The following SYNE1 variants were observed in gnomAD, a reference collection of about 807,000 sequenced individuals.
The protein encoded by SYNE1 is spectrin repeat containing nuclear envelope protein 1.
SYNE1 carries 616 observed loss-of-function variants against 1,111.0 expected under a neutral mutation model. The observed-to-expected ratio is 0.55, with a 90% CI of 0.52 to 0.59. The LOEUF is 0.59. SYNE1 is among the 20% of genes least tolerant of loss of function. The pLI is 0.00. For missense variants in SYNE1, 10,006 were observed against 10,417.0 expected (o/e 0.96, Z 1.72); for synonymous variants, 3,855 against 3,825.8 (o/e 1.01, Z -0.28).
At chr6:152,528,440 C>T (rs79213949) in intron 4 of SYNE1, among the ~76,000 whole-genome samples, 5,171 of 152,204 alleles carry the variant, frequency 0.034, 100 homozygotes, top group African/African-American at 0.05. Context: ...TTTATATATA[C>T]CAAACAATCA....
chr6:152,295,338 T>A (rs930330928), intron 93 of SYNE1, among the ~76,000 whole-genome samples: 1 of 152,152 alleles, frequency 6.6e-6, no homozygotes, highest in African/African-American at 2.4e-5. Flanking sequence ...TGCTTCCTCT[T>A]TATTCCTAAC....
chr6:152,311,490 A>G (rs1323747807), intron 87 of SYNE1, among the ~76,000 whole-genome samples: 2 of 152,200 alleles, frequency 1.3e-5, no homozygotes, highest in African/African-American at 2.4e-5. Flanking sequence ...TAACCATTCA[A>G]TGTACAGTCT....
intron 143 of SYNE1, among the ~76,000 whole-genome samples, 174 bp from the exon 144 acceptor site, chr6:152,132,388 C>A (rs1376664881): frequency 6.6e-6 from 1 of 152,188 alleles, no homozygotes; most frequent in Non-Finnish European, 1.5e-5. Context: ...GGGCCAAATT[C>A]TTCTAGTGTG....
rs1167536091 is a variant in SYNE1 at position 152,615,118 on chromosome 6, TA to T, written c.67+13146del. Among the ~76,000 whole-genome samples, 8 of 152,220 alleles carry T rather than the reference TA, an allele frequency of 5.3e-5. No individual in the cohort carries two copies. In the East Asian group the frequency reaches 7.7e-4, roughly 15 times the overall value. On this transcript the variant is annotated intron_variant, in intron 3 of 145. Transcript: ENST00000367255. ...ACATGTACCCTTTATTAAAGTATAA[TA>T]AAAAAAGAAAGATTTTTTTCCATCA...
Position 152,484,832 on chromosome 6 carries a change from T to C in SYNE1, c.1185+3A>G, listed in dbSNP as rs766083074. On this transcript the variant is annotated splice_donor_region_variant and intron_variant, in intron 13 of 145. Transcript: ENST00000367255. ...CAGTATAACTAATTGTGGGAGAACT[T>C]ACCCTGGAGGTCACTCTATCCCAAG... is the stretch of plus-strand genomic sequence containing the variant. 2.8e-5 allele frequency: 45 copies of C among 1,613,754 alleles called. No individual in the cohort carries two copies. Among genetic ancestry groups the C allele is most frequent in the Non-Finnish European group, 3.6e-5 (43 of 1,179,910 alleles).
Position 152,310,799 on chromosome 6 carries a change from G to C in SYNE1, c.16785C>G (p.Ser5595Arg). The change falls in exon 88 of 146, where the codon AGC becomes AGG. Residue 5595 changes from serine to arginine, a missense_variant. Around this residue, in one of 7 missense-constraint regions of SYNE1, gnomAD observed 4,955 missense variants for 5,017.2 expected, o/e 0.99. Transcript: ENST00000367255. ...GAGACATTTTTTCTGTACAGTACAC[G>C]CTAGTGAGGTACTGTAATTTCTCAG... ...AMTEKLQYLTSVYCTEKMSQQ... is the reference protein window; with the variant it reads ...AMTEKLQYLTRVYCTEKMSQQ... The C allele has an allele frequency of 6.2e-7, 1 of 1,613,958 alleles. No individual in the cohort carries two copies.
At chr6:152,375,377 C>G (rs780583253) in intron 58 of SYNE1, among the ~76,000 whole-genome samples, 23 of 152,214 alleles carry the variant, frequency 1.5e-4, no homozygotes, top group Non-Finnish European at 2.6e-4. Flanking sequence ...AGAGACACTT[C>G]AAGCACGAGT....
intron 3 of SYNE1, among the ~76,000 whole-genome samples, chr6:152,581,303 T>A (rs952995810): frequency 6.6e-6 from 1 of 152,164 alleles, no homozygotes; most frequent in Non-Finnish European, 1.5e-5. Flanking sequence ...GGCTTCTCCA[T>A]CAGCCACAAC....
In SYNE1 at chr6:152,430,207, G is replaced by A. The variant is rs1251105383; in HGVS notation, c.4693C>T (p.Gln1565Ter). ...QKFEENLRKI[Q>*]QSVSEFEDKL... is the part of the protein sequence containing the mutation. Reference sequence around the variant, plus strand: ...TCTTCAAATTCAGACACAGATTGCTGGATCTAAAACATTGGTGCAATATAA... The same window carrying A: ...TCTTCAAATTCAGACACAGATTGCTAGATCTAAAACATTGGTGCAATATAA... The change falls in exon 36 of 146, where the codon CAG becomes TAG. Residue 1565 changes from glutamine (Q) to a stop codon, truncating the protein, a stop_gained. Coordinates refer to ENST00000367255, the MANE Select transcript of SYNE1 (RefSeq NM_182961.4). LOFTEE classifies it high-confidence loss of function. The A allele has an allele frequency of 6.9e-6, 11 of 1,597,964 alleles. No homozygotes were observed. The highest frequency in any genetic ancestry group is 7.7e-6 in the Non-Finnish European group (9 of 1,168,956).
chr6:152,550,817 A>C (rs1382221164), intron 3 of SYNE1, among the ~76,000 whole-genome samples: 1 of 152,160 alleles, frequency 6.6e-6, no homozygotes, highest in Admixed American at 6.5e-5. Flanking sequence ...TGTGCACCGT[A>C]TCACGTTTCT....
rs1414483223 is a variant in SYNE1 at position 152,593,392 on chromosome 6, G to C, written c.67+34873C>G. ...GAGGTCAGTAGATTGAGACCATCCT[G>C]GCTAACATGGTGAAACCCCATCTCA... On this transcript the variant is annotated intron_variant, in intron 3 of 145. Transcript: ENST00000367255. Among the ~76,000 whole-genome samples the C allele has an allele frequency of 3.3e-5, 5 of 152,124 alleles. No homozygotes were observed. In the East Asian group the frequency reaches 9.7e-4, roughly 29 times the overall value.
At chr6:152,236,731 T>C (rs2084171788) in intron 109 of SYNE1, 86 bp downstream of exon 109, 16 of 1,507,982 alleles carry the variant, frequency 1.1e-5, no homozygotes, top group Non-Finnish European at 1.5e-5. Flanking sequence ...AAAGTACTAA[T>C]AAAATAATTG....
chr6:152,160,046 C>T (rs567222765), intron 131 of SYNE1, among the ~76,000 whole-genome samples: 7 of 152,064 alleles, frequency 4.6e-5, no homozygotes, highest in African/African-American at 1.7e-4. Context: ...CTCAGTCTGT[C>T]GCCAAGCTAG....
chr6:152,204,287 C>A (rs1005887372), intron 126 of SYNE1, among the ~76,000 whole-genome samples: 6 of 151,384 alleles, frequency 4.0e-5, no homozygotes, highest in African/African-American at 1.2e-4. Flanking sequence ...ATCACTTGAA[C>A]CCAGAAGAGT....
intron 3 of SYNE1, among the ~76,000 whole-genome samples, chr6:152,594,169 T>C (rs998448821): frequency 6.6e-6 from 1 of 152,220 alleles, no homozygotes; most frequent in African/African-American, 2.4e-5. Flanking sequence ...GTCTTGCCAT[T>C]CTGTGTGGGA....
At chr6:152,499,679 CAAAA>C in intron 10 of SYNE1, among the ~76,000 whole-genome samples, 1 of 151,988 alleles carries the variant, frequency 6.6e-6, no homozygotes, top group South Asian at 2.1e-4. Context: ...TATGTCATAA[CAAAA>C]AAATACATTA....
chr6:152,271,987 TGA>T (rs1239444616), intron 98 of SYNE1, among the ~76,000 whole-genome samples: 3 of 152,228 alleles, frequency 2.0e-5, no homozygotes, highest in African/African-American at 7.2e-5. Context: ...ATGGTCTGAT[TGA>T]GAGAGGTTGG....
At chr6:152,198,553 C>T (rs1205242388) in intron 127 of SYNE1, among the ~76,000 whole-genome samples, 1 of 152,178 alleles carries the variant, frequency 6.6e-6, no homozygotes, top group East Asian at 1.9e-4. Context: ...GACATGTCTT[C>T]CTCACTAAGC....
chr6:152,312,451 C>T (rs1389712635), intron 87 of SYNE1, among the ~76,000 whole-genome samples: 3 of 150,892 alleles, frequency 2.0e-5, no homozygotes, highest in African/African-American at 7.3e-5. Context: ...TTGTGATCCG[C>T]CAGCCTCGGT....
Sources: allele counts gnomAD v4.1 joint callset (sites outside exome capture counted in the v4.1 genomes callset), GRCh38; gene constraint gnomAD v4.1.1; regional missense constraint gnomAD v4.1.1; transcripts MANE v1.5; gene names NCBI Gene and HGNC (gene_info 2026-07-23, HGNC 2026-07-21).